LRBA: variants seen among roughly 807,000 people sequenced by gnomAD.
The protein encoded by LRBA is LPS responsive beige-like anchor protein, also known as lipopolysaccharide-responsive and beige-like anchor protein.
LRBA carries 176 observed loss-of-function variants against 330.0 expected under a neutral mutation model. The ratio of observed to expected loss-of-function variants is 0.53; its 90% confidence interval spans 0.47 to 0.60. The LOEUF (loss-of-function observed/expected upper bound fraction) is 0.60, where lower values mean the gene tolerates loss of function less well. LRBA is among the 20% of genes least tolerant of loss of function. The probability of loss-of-function intolerance (pLI) is 0.00; values close to 1 mark genes in which losing one functional copy is unlikely to be tolerated. For synonymous variants in LRBA, 1,230 were observed against 1,193.0 expected, an observed-to-expected ratio of 1.03 and a Z score of -0.64; for missense variants, 3,259 against 3,444.8, an observed-to-expected ratio of 0.95 and a Z score of 1.35.
intron 30 of LRBA, among the ~76,000 whole-genome samples, chr4:150,820,154 G>A (rs1474579834): frequency 1.3e-5 from 2 of 151,906 alleles, no homozygotes; most frequent in East Asian, 1.9e-4. Context: ...CAATCCTAAG[G>A]TACATATTAA....
At chr4:150,896,936 G>A (rs1730146093) in intron 15 of LRBA, among the ~76,000 whole-genome samples, 1 of 150,090 alleles carries the variant, frequency 6.7e-6, no homozygotes, top group African/African-American at 2.4e-5. Context: ...ATATGAGCTC[G>A]TTATGAAAAT....
intron 47 of LRBA, among the ~76,000 whole-genome samples, chr4:150,371,103 C>A (rs1346661376): frequency 1.3e-5 from 2 of 150,458 alleles, no homozygotes; most frequent in South Asian, 2.1e-4. Context: ...CGTATATGAA[C>A]ATGTTCTAGT....
intron 35 of LRBA, among the ~76,000 whole-genome samples, chr4:150,756,142 T>C (rs1016970038): frequency 6.6e-6 from 1 of 151,086 alleles, no homozygotes; most frequent in Admixed American, 6.6e-5. Context: ...CCTAAACAAA[T>C]AAAATATTCA....
intron 47 of LRBA, among the ~76,000 whole-genome samples, chr4:150,389,222 T>C (rs1561106142): frequency 6.6e-6 from 1 of 152,054 alleles, no homozygotes; most frequent in East Asian, 1.9e-4. Context: ...CCAGGTGTGG[T>C]GACACGTGCC....
chr4:150,538,019 C>T (rs867739880), intron 40 of LRBA, among the ~76,000 whole-genome samples: 2 of 151,870 alleles, frequency 1.3e-5, no homozygotes, highest in Non-Finnish European at 2.9e-5. Flanking sequence ...GTGCAACCAA[C>T]AAATATATTA....
Position 150,852,031 on chromosome 4 carries a change from C to T in LRBA, c.3679G>A (p.Asp1227Asn), listed in dbSNP as rs771712478. 1 of 1,614,108 alleles carries T rather than the reference C, an allele frequency of 6.2e-7. No homozygotes were observed. Among genetic ancestry groups the T allele is most frequent in the Non-Finnish European group, 8.5e-7 (1 of 1,179,988 alleles). ...GCCTCAGAGACACTACCATGACAATCATTAATTAATTTGGTTTCTCTAGTG... is the reference window on the plus strand; with the variant it reads ...GCCTCAGAGACACTACCATGACAATTATTAATTAATTTGGTTTCTCTAGTG... ...NLTRETKLIN[D>N]CHGSVSEASS... Residue 1227 changes from aspartate (D) to asparagine (N), a missense_variant, in exon 23 of 57, where the codon GAT (aspartate) becomes AAT (asparagine). By Grantham distance (23) the Asp-to-Asn change is conservative. Transcript: ENST00000651943.
At chr4:150,847,769 A>C (rs1432690560) in intron 26 of LRBA, among the ~76,000 whole-genome samples, 1 of 152,228 alleles carries the variant, frequency 6.6e-6, no homozygotes, top group Non-Finnish European at 1.5e-5. Flanking sequence ...TAAGAAGTCC[A>C]GTTAACATTA....
At chr4:150,883,170 A>G (rs1728589729) in intron 17 of LRBA, among the ~76,000 whole-genome samples, 1 of 152,092 alleles carries the variant, frequency 6.6e-6, no homozygotes, top group Admixed American at 6.6e-5. Flanking sequence ...TTCAAAAATT[A>G]TGGTTCTAGG....
chr4:150,746,712 G>A (rs1416209106), intron 35 of LRBA, among the ~76,000 whole-genome samples: 13 of 151,828 alleles, frequency 8.6e-5, no homozygotes, highest in Admixed American at 7.9e-4. Context: ...GGGTTTCACC[G>A]TGTTAGCCAG....
intron 2 of LRBA, among the ~76,000 whole-genome samples, chr4:151,008,747 G>A (rs967235599): frequency 2.0e-5 from 3 of 151,446 alleles, no homozygotes; most frequent in African/African-American, 7.3e-5. Flanking sequence ...GGCTGAGGCA[G>A]GCGGATCACG....
At chr4:150,880,166 T>C (rs534587758) in intron 17 of LRBA, among the ~76,000 whole-genome samples, 3 of 152,284 alleles carry the variant, frequency 2.0e-5, no homozygotes, top group South Asian at 2.1e-4. Context: ...ATTCAATAAA[T>C]AGTATTGGAA....
intron 31 of LRBA, 141 bp from the exon 32 acceptor site, chr4:150,808,539 C>T: frequency 1.8e-6 from 1 of 560,748 alleles, no homozygotes; most frequent in Non-Finnish European, 3.1e-6. Flanking sequence ...ACATTAAAAT[C>T]TAACAATTAA....
At chr4:150,590,657 T>C in intron 39 of LRBA, 56 bp downstream of exon 39, 1 of 1,523,170 alleles carries the variant, frequency 6.6e-7, no homozygotes. Flanking sequence ...AAGTAAGTAA[T>C]TATATGCTTA....
In LRBA at chr4:150,325,790, G is replaced by A. The variant is rs1276365370; in HGVS notation, c.7452+19C>T. ...CTGAAGGAGAGGCAAGAAATGAGGA[G>A]AGTAAAAATAGCACTTACCACTTGC... is the stretch of plus-strand genomic sequence containing the variant. On this transcript the variant is annotated intron_variant, in intron 49 of 56. Transcript: ENST00000651943. 2.0e-6 allele frequency: 3 copies of A among 1,522,036 alleles called. No homozygotes were observed. The highest frequency in any genetic ancestry group is 1.7e-5 in the Admixed American group (1 of 59,820). 94.3% of individuals were successfully genotyped at this position (1,522,036 alleles called of 1,614,324 possible).
chr4:150,787,192 C>T (rs146359448), intron 34 of LRBA, among the ~76,000 whole-genome samples: 125 of 150,336 alleles, frequency 8.3e-4, no homozygotes, highest in Non-Finnish European at 1.3e-3. Context: ...TGCACTCCAG[C>T]GTGGGTGACA....
chr4:150,671,446 A>G (rs1195574631), intron 37 of LRBA, among the ~76,000 whole-genome samples: 1 of 152,126 alleles, frequency 6.6e-6, no homozygotes, highest in Non-Finnish European at 1.5e-5. Flanking sequence ...GATATACCCA[A>G]GAGATATTCA....
intron 52 of LRBA, among the ~76,000 whole-genome samples, chr4:150,303,795 G>C (rs896691697): frequency 6.6e-6 from 1 of 151,868 alleles, no homozygotes; most frequent in Non-Finnish European, 1.5e-5. Context: ...GGATGGTCTC[G>C]ATCTCCTGAC....
At chr4:150,588,211 C>G in intron 39 of LRBA, 27 bp from the exon 40 acceptor site, 1 of 1,552,640 alleles carries the variant, frequency 6.4e-7, no homozygotes, top group Non-Finnish European at 8.6e-7. Context: ...ACAAGCCACA[C>G]AAGTTGGAAT....
chr4:150,972,608 A>C (rs924413025), intron 2 of LRBA, among the ~76,000 whole-genome samples: 1 of 152,224 alleles, frequency 6.6e-6, no homozygotes, highest in Non-Finnish European at 1.5e-5. Flanking sequence ...GAAATGCTTA[A>C]AAAACGTATT....
Sources: gnomAD v4.1 joint callset for allele counts (sites outside exome capture counted in the v4.1 genomes callset) on GRCh38, gnomAD v4.1.1 for gene constraint, MANE v1.5 for transcripts, NCBI Gene and HGNC (gene_info 2026-07-23, HGNC 2026-07-21) for gene names.